The following CNTN4 variants were observed in gnomAD, a reference collection of about 807,000 sequenced individuals.
CNTN4 encodes the protein contactin-4.
In CNTN4, 77 loss-of-function variants were observed where a neutral mutation model predicts 122.5. The ratio of observed to expected loss-of-function variants is 0.63; its 90% CI spans 0.52 to 0.76. CNTN4 has a LOEUF of 0.76. CNTN4 is among the 30% of genes least tolerant of loss of function. The pLI is 0.00. For synonymous variants in CNTN4, 512 were observed against 447.0 expected (o/e 1.15, Z -1.83); for missense variants, 1,256 against 1,259.1 (o/e 1.00, Z 0.04).
chr3:2,962,258 G>C (rs1426703985), intron 13 of CNTN4, among the ~76,000 whole-genome samples: 1 of 152,160 alleles, frequency 6.6e-6, no homozygotes, highest in Non-Finnish European at 1.5e-5. Flanking sequence ...CCTAGATAGA[G>C]CCATTCACTT....
At position 2,328,171 on chromosome 3, in the gene CNTN4, C is replaced by T. The variant is rs576133789; in HGVS notation, c.-144-11007C>T. 2.1e-3 allele frequency among the ~76,000 whole-genome samples: 324 copies of T among 152,188 alleles called. 2 individuals carry two copies. The highest frequency in any genetic ancestry group is 7.5e-3 in the African/African-American group (310 of 41,534). ...TGGTAATCCCAGCACTTTGGGAGGC[C>T]GAGGCGGGCGGATCACGGGGTCAGG... On this transcript the variant is annotated intron_variant, in intron 2 of 24. Coordinates refer to ENST00000418658, the MANE Select transcript of CNTN4 (RefSeq NM_175607.3).
intron 12 of CNTN4, among the ~76,000 whole-genome samples, chr3:2,909,665 C>G (rs531731746): frequency 6.6e-6 from 1 of 152,274 alleles, no homozygotes; most frequent in African/African-American, 2.4e-5. Context: ...AATTTGAGAA[C>G]TATTGCTTTA....
intron 2 of CNTN4, among the ~76,000 whole-genome samples, chr3:2,221,884 C>A (rs998080348): frequency 6.6e-6 from 1 of 152,004 alleles, no homozygotes; most frequent in East Asian, 1.9e-4. Flanking sequence ...ATAAAAAAGA[C>A]AGTAATAACA....
At chr3:2,216,499 A>G (rs983758445) in intron 2 of CNTN4, among the ~76,000 whole-genome samples, 2 of 152,164 alleles carry the variant, frequency 1.3e-5, no homozygotes, top group African/African-American at 2.4e-5. Context: ...GAGTTTACCT[A>G]TGTAACAAAC....
rs1004442814 is a variant in CNTN4, at chr3:2,328,767, A to T, written c.-144-10411A>T. The stretch of plus-strand genomic sequence containing the variant: ...AGGTGTTATAAGTAATCTAGAGATG[A>T]TTTAAAATATACTGGAGGGTGTGCA... On this transcript the variant is annotated intron_variant, in intron 2 of 24. Coordinates refer to ENST00000418658, the MANE Select transcript of CNTN4 (RefSeq NM_175607.3). Among the ~76,000 whole-genome samples the T allele has an allele frequency of 3.9e-5, 6 of 152,204 alleles. No individual in the cohort carries two copies. In the South Asian group the frequency reaches 6.2e-4, roughly 16 times the overall value.
At chr3:2,982,820 A>C (rs774467681) in intron 13 of CNTN4, among the ~76,000 whole-genome samples, 2 of 152,310 alleles carry the variant, frequency 1.3e-5, no homozygotes, top group Admixed American at 6.5e-5. Context: ...ATGTTATTGT[A>C]TGGAACACAT....
chr3:2,491,552 T>A (rs542666912), intron 3 of CNTN4, among the ~76,000 whole-genome samples: 1 of 152,326 alleles, frequency 6.6e-6, no homozygotes, highest in African/African-American at 2.4e-5. Flanking sequence ...TGTTGCATAA[T>A]AAGAGATGTC....
chr3:2,895,513 A>G (rs751550212), intron 10 of CNTN4, among the ~76,000 whole-genome samples: 4 of 152,138 alleles, frequency 2.6e-5, no homozygotes, highest in Non-Finnish European at 5.9e-5. Flanking sequence ...TTTATATCTG[A>G]ACTTGAGTTT....
intron 3 of CNTN4, among the ~76,000 whole-genome samples, chr3:2,460,663 A>G (rs2049170547): frequency 6.6e-6 from 1 of 152,204 alleles, no homozygotes; most frequent in African/African-American, 2.4e-5. Context: ...CGCTTTGGGT[A>G]GACTGAATGG....
intron 12 of CNTN4, 138 bp downstream of exon 12, chr3:2,903,143 C>A: frequency 1.3e-6 from 1 of 796,580 alleles, no homozygotes; most frequent in Non-Finnish European, 2.0e-6. Flanking sequence ...ACTCAAGAAA[C>A]AAGTAATAAG....
chr3:2,710,833 A>G (rs1477826374), intron 4 of CNTN4, among the ~76,000 whole-genome samples: 2 of 152,192 alleles, frequency 1.3e-5, no homozygotes, highest in African/African-American at 2.4e-5. Context: ...GCTTGTGGCA[A>G]AGGCTTTCCA....
At chr3:2,103,711 A>ATT (rs1302685276) in intron 2 of CNTN4, among the ~76,000 whole-genome samples, 2 of 125,020 alleles carry the variant, frequency 1.6e-5, no homozygotes, top group African/African-American at 6.2e-5. Flanking sequence ...TTGCAAAATT[A>ATT]TTTTTTATTT....
At chr3:2,206,037 T>A (rs1048529057) in intron 2 of CNTN4, among the ~76,000 whole-genome samples, 3 of 152,136 alleles carry the variant, frequency 2.0e-5, no homozygotes, top group Non-Finnish European at 4.4e-5. Flanking sequence ...TTATTTTTAC[T>A]GACAGGTGAG....
chr3:3,042,296 A>G lies in CNTN4; in HGVS notation c.2399-14A>G. On this transcript the variant is annotated splice_polypyrimidine_tract_variant and intron_variant, in intron 20 of 24. Coordinates refer to ENST00000418658, the MANE Select transcript of CNTN4 (RefSeq NM_175607.3). ...AGCTGATAGAGTAATAACTATCTCCATATTCATCTACAGAACCCACCAAAC... is the reference window on the plus strand; with the variant it reads ...AGCTGATAGAGTAATAACTATCTCCGTATTCATCTACAGAACCCACCAAAC... 1 of 1,563,898 alleles carries G rather than the reference A, an allele frequency of 6.4e-7. No individual in the cohort carries two copies. Among genetic ancestry groups the G allele is most frequent in the Non-Finnish European group, 8.8e-7 (1 of 1,134,202 alleles).
intron 1 of CNTN4, chr3:2,099,220 A>AGGGCCCCGACGACGCC (rs2031678854): frequency 1.3e-5 from 2 of 152,234 alleles, no homozygotes; most frequent in African/African-American, 4.8e-5. Flanking sequence ...CGGAGGACTC[A>AGGGCCCCGACGACGCC]GGGCCCCGAC....
At chr3:2,256,214 A>T (rs1197690118) in intron 2 of CNTN4, among the ~76,000 whole-genome samples, 2 of 152,200 alleles carry the variant, frequency 1.3e-5, no homozygotes, top group Non-Finnish European at 1.5e-5. Context: ...ATTCCTGGAC[A>T]CATACACCCT....
intron 4 of CNTN4, among the ~76,000 whole-genome samples, chr3:2,662,859 G>C (rs906755138): frequency 2.6e-5 from 4 of 152,174 alleles, no homozygotes; most frequent in African/African-American, 9.7e-5. Context: ...TTGGGAGGCT[G>C]AGGTGGGTGG....
chr3:3,040,139 G>T lies in CNTN4; in HGVS notation c.2266G>T (p.Asp756Tyr), dbSNP rs1700016314. ...GATGCTGACAGTGCTGGCCTCAGCT[G>T]ATGCCTCTAGATACGTGTTCAGGAA... Reference protein sequence around the residue: ...IWMLTVLASADASRYVFRNES... With the variant: ...IWMLTVLASAYASRYVFRNES... Residue 756 changes from aspartate to tyrosine, a missense_variant, in exon 20 of 25, where the codon GAT becomes TAT. By Grantham distance (160) the Asp-to-Tyr change is radical. Transcript: ENST00000418658. 1 of 1,613,984 alleles carries T rather than the reference G, an allele frequency of 6.2e-7. No individual in the cohort carries two copies. The highest frequency in any genetic ancestry group is 1.3e-5 in the African/African-American group (1 of 74,942).
intron 2 of CNTN4, among the ~76,000 whole-genome samples, chr3:2,193,728 A>T (rs34078564): frequency 6.6e-6 from 1 of 152,056 alleles, no homozygotes; most frequent in African/African-American, 2.4e-5. Flanking sequence ...TCACATATGC[A>T]TGACTATGGC....
Sources: allele counts gnomAD v4.1 joint callset (sites outside exome capture counted in the v4.1 genomes callset), GRCh38; gene constraint gnomAD v4.1.1; transcripts MANE v1.5; gene names NCBI Gene and HGNC (gene_info 2026-07-23, HGNC 2026-07-21).